CCNY: variants seen among roughly 807,000 people sequenced by gnomAD.
The protein encoded by CCNY is cyclin-Y.
Under a neutral mutation model 42.8 loss-of-function variants are expected in CCNY, and 19 were observed. The ratio of observed to expected loss-of-function variants is 0.44; its 90% CI spans 0.31 to 0.65. CCNY has a LOEUF of 0.65. Among genes scored for constraint, CCNY ranks in the 30% least tolerant of loss-of-function variants. The probability of loss-of-function intolerance (pLI) is 0.07; values close to 1 mark genes in which losing one functional copy is unlikely to be tolerated. For synonymous variants in CCNY, 165 were observed against 162.7 expected, an observed-to-expected ratio of 1.01 and a Z score of -0.11; for missense variants, 370 against 437.3, an observed-to-expected ratio of 0.85 and a Z score of 1.37.
chr10:35,314,163 TTA>T (rs1376773264), intron 3 of CCNY, among the ~76,000 whole-genome samples: 7 of 152,056 alleles, frequency 4.6e-5, no homozygotes, highest in Non-Finnish European at 8.8e-5. Context: ...CATTCTCCCT[TTA>T]TGTTAATTAG....
intron 8 of CCNY, among the ~76,000 whole-genome samples, chr10:35,557,967 T>G (rs1841393195): frequency 6.6e-6 from 1 of 152,172 alleles, no homozygotes; most frequent in Non-Finnish European, 1.5e-5. Context: ...TTCAGATGAG[T>G]AGGTGAAATT....
intron 1 of CCNY, among the ~76,000 whole-genome samples, chr10:35,465,934 A>AGTGT (rs1318018579): frequency 4.1e-4 from 35 of 85,544 alleles, no homozygotes; most frequent in African/African-American, 1.3e-3. Flanking sequence ...AGAGAGAGAG[A>AGTGT]GAGAGTGTGT....
At position 35,557,624 on chromosome 10, in the gene CCNY, C is replaced by T. The variant is rs943696418; in HGVS notation, c.746+4439C>T. Among the ~76,000 whole-genome samples, 6 of 152,136 alleles carry T rather than the reference C, an allele frequency of 3.9e-5. No homozygotes were observed. In the South Asian group the frequency reaches 8.3e-4, roughly 21 times the overall value. ...TACAAAAATTAGCTGGTACTGGTGG[C>T]GCTCACCTGTAGTCCCAGCTACTCA... On this transcript the variant is annotated intron_variant, in intron 8 of 9. Transcript: ENST00000374704.
intron 8 of CCNY, among the ~76,000 whole-genome samples, chr10:35,563,084 T>G (rs1841497785): frequency 6.6e-6 from 1 of 152,124 alleles, no homozygotes; most frequent in Admixed American, 6.6e-5. Flanking sequence ...ATTCTTGGCA[T>G]CACGTTAGTT....
At chr10:35,484,220 A>G (rs1463694249) in intron 2 of CCNY, among the ~76,000 whole-genome samples, 2 of 152,258 alleles carry the variant, frequency 1.3e-5, no homozygotes, top group South Asian at 2.1e-4. Flanking sequence ...CTGGAGTCCT[A>G]CATGATTCTA....
chr10:35,323,542 C>T (rs987583239), intron 3 of CCNY, among the ~76,000 whole-genome samples: 3 of 152,128 alleles, frequency 2.0e-5, no homozygotes, highest in African/African-American at 7.2e-5. Context: ...AGAGTCTATA[C>T]ATTTTATAAG....
chr10:35,327,130 A>G lies in CCNY; in HGVS notation c.-9+76504A>G, dbSNP rs555700726. 7.6e-4 allele frequency among the ~76,000 whole-genome samples: 116 copies of G among 152,334 alleles called. No homozygotes were observed. In the Middle Eastern group the frequency reaches 0.014, roughly 18 times the overall value. On this transcript the variant is annotated intron_variant, in intron 3 of 11. Coordinates refer to the CCNY transcript ENST00000374706. ...ATTCTTTTTTGGAGGGAGGAAATGT[A>G]TTATTTCTTTTAAAAAAGATAAATA...
intron 2 of CCNY, among the ~76,000 whole-genome samples, chr10:35,486,882 T>G (rs1451961936): frequency 1.3e-5 from 2 of 152,242 alleles, no homozygotes; most frequent in Non-Finnish European, 2.9e-5. Flanking sequence ...ACTTCCTCCT[T>G]GAGGGTTTCT....
chr10:35,538,390 G>C (rs1260200970), intron 7 of CCNY, among the ~76,000 whole-genome samples: 1 of 152,182 alleles, frequency 6.6e-6, no homozygotes. Flanking sequence ...CAGATTGACT[G>C]TTTTTCAAAG....
At chr10:35,301,367 G>C (rs1204936279) in intron 3 of CCNY, among the ~76,000 whole-genome samples, 1 of 152,154 alleles carries the variant, frequency 6.6e-6, no homozygotes, top group Non-Finnish European at 1.5e-5. Context: ...AGTTGTCTGA[G>C]AGACAGTGTG....
At chr10:35,258,233 T>G (rs2095716960) in intron 3 of CCNY, among the ~76,000 whole-genome samples, 1 of 152,216 alleles carries the variant, frequency 6.6e-6, no homozygotes, top group African/African-American at 2.4e-5. Context: ...TTATGGTTTT[T>G]GTTTATTGTT....
At chr10:35,262,597 T>C (rs7913451) in intron 3 of CCNY, among the ~76,000 whole-genome samples, 56,872 of 151,756 alleles carry the variant, frequency 0.37, 11,324 homozygotes, top group African/African-American at 0.52. Context: ...CCTGACCTCA[T>C]GTGATGCATC....
At chr10:35,488,482 G>T (rs963023139) in intron 2 of CCNY, among the ~76,000 whole-genome samples, 4 of 152,134 alleles carry the variant, frequency 2.6e-5, no homozygotes, top group Non-Finnish European at 1.5e-5. Flanking sequence ...GCTCGTTCGT[G>T]TGTGCAGGTG....
At chr10:35,491,646 C>T (rs1467929129) in intron 2 of CCNY, among the ~76,000 whole-genome samples, 1 of 152,220 alleles carries the variant, frequency 6.6e-6, no homozygotes, top group East Asian at 1.9e-4. Flanking sequence ...TTTTGAGACG[C>T]TCTGTCGCCC....
At chr10:35,348,447 T>C (rs1836354614) in intron 1 of CCNY, among the ~76,000 whole-genome samples, 1 of 152,226 alleles carries the variant, frequency 6.6e-6, no homozygotes, top group African/African-American at 2.4e-5. Flanking sequence ...GCACATATCT[T>C]AAGCACCGTG....
intron 3 of CCNY, among the ~76,000 whole-genome samples, chr10:35,505,039 T>C (rs1160365754): frequency 3.7e-5 from 5 of 133,450 alleles, no homozygotes; most frequent in African/African-American, 3.6e-5. Context: ...TGACTTTGCT[T>C]TTTTTTTTTT....
At chr10:35,447,300 C>A (rs1018636352) in intron 1 of CCNY, among the ~76,000 whole-genome samples, 2 of 152,168 alleles carry the variant, frequency 1.3e-5, no homozygotes, top group Admixed American at 6.5e-5. Context: ...AGTTTGAATT[C>A]TAGAAAAACC....
intron 1 of CCNY, among the ~76,000 whole-genome samples, chr10:35,439,746 G>A (rs1838624475): frequency 6.6e-6 from 1 of 151,648 alleles, no homozygotes; most frequent in Non-Finnish European, 1.5e-5. Context: ...GGACATTTTG[G>A]ATCTTATTTA....
At chr10:35,559,750 T>C (rs911425239) in intron 8 of CCNY, among the ~76,000 whole-genome samples, 4 of 152,014 alleles carry the variant, frequency 2.6e-5, no homozygotes, top group African/African-American at 9.7e-5. Context: ...AGGAAAGGGG[T>C]GAATGATCCT....
Sources: allele counts gnomAD v4.1 joint callset (sites outside exome capture counted in the v4.1 genomes callset), GRCh38; gene constraint gnomAD v4.1.1; transcripts MANE v1.5; gene names NCBI Gene and HGNC (gene_info 2026-07-23, HGNC 2026-07-21).